RBFOX1: variants seen among roughly 807,000 people sequenced by gnomAD.
The protein encoded by RBFOX1 is RNA binding protein fox-1 homolog 1.
In RBFOX1, 8 loss-of-function variants were observed where a neutral mutation model predicts 57.7. The ratio of observed to expected loss-of-function variants is 0.14; its 90% CI spans 0.08 to 0.25. The LOEUF is 0.25. Among genes scored for constraint, RBFOX1 ranks in the 10% least tolerant of loss-of-function variants. The pLI is 1.00. For missense variants in RBFOX1, 611 were observed against 548.5 expected (o/e 1.11, Z -1.14); for synonymous variants, 326 against 222.4 (o/e 1.47, Z -4.15).
chr16:5,482,773 G>T (rs1392645494), intron 2 of RBFOX1, among the ~76,000 whole-genome samples: 1 of 152,120 alleles, frequency 6.6e-6, no homozygotes, highest in African/African-American at 2.4e-5. Context: ...GGACCATCTT[G>T]GTATTGCCTC....
chr16:7,165,399 ATAATAATAATGATAATAATCATTAT>A, intron 4 of RBFOX1, among the ~76,000 whole-genome samples: 1 of 147,212 alleles, frequency 6.8e-6, no homozygotes, highest in Non-Finnish European at 1.5e-5. Context: ...AATAATAATA[ATAATAATAATGATAATAATCATTAT>A]TATTATTATT....
chr16:6,888,667 A>G (rs2064712305), intron 3 of RBFOX1, among the ~76,000 whole-genome samples: 1 of 152,168 alleles, frequency 6.6e-6, no homozygotes, highest in Admixed American at 6.6e-5. Flanking sequence ...TCTGACCCAG[A>G]TGTCTCCTGT....
Position 7,004,162 on chromosome 16 carries a change from T to A in RBFOX1, c.-15-47895T>A, listed in dbSNP as rs1051842092. 2 of 152,076 alleles carry A rather than the reference T, an allele frequency of 1.3e-5. 1 individual carries two copies. The highest frequency in any genetic ancestry group is 4.2e-4 in the South Asian group (2 of 4,816). 9.4% of individuals were successfully genotyped at this position (152,076 alleles called of 1,614,324 possible). ...TAATAGAGCATCTTTTTAAATCTTA[T>A]GCACAGAAGAATGATGCATAGAAGA... On this transcript the variant is annotated intron_variant, in intron 3 of 15. Coordinates refer to ENST00000550418, the MANE Select transcript of RBFOX1 (RefSeq NM_018723.4).
intron 1 of RBFOX1, among the ~76,000 whole-genome samples, chr16:6,021,508 A>C (rs2095076363): frequency 6.6e-6 from 1 of 152,214 alleles, no homozygotes; most frequent in South Asian, 2.1e-4. Flanking sequence ...TGGTGCTGGC[A>C]GTGGCTGTGC....
At chr16:6,549,906 C>T (rs531784120) in intron 2 of RBFOX1, among the ~76,000 whole-genome samples, 58 of 152,236 alleles carry the variant, frequency 3.8e-4, no homozygotes, top group Middle Eastern at 6.8e-3. Context: ...TTGACTACTA[C>T]CCAGCTCAGT....
intron 1 of RBFOX1, among the ~76,000 whole-genome samples, chr16:5,246,534 G>A (rs2062304324): frequency 6.6e-6 from 1 of 152,154 alleles, no homozygotes; most frequent in Non-Finnish European, 1.5e-5. Flanking sequence ...TAGGTACCAT[G>A]TTGTCCCATG....
chr16:5,878,050 C>A (rs752888159), intron 4 of RBFOX1, among the ~76,000 whole-genome samples: 2 of 152,170 alleles, frequency 1.3e-5, no homozygotes, highest in African/African-American at 2.4e-5. Context: ...ACACAGACAC[C>A]ACATTCCATG....
At chr16:7,524,214 C>G (rs960430048) in intron 5 of RBFOX1, among the ~76,000 whole-genome samples, 4 of 152,150 alleles carry the variant, frequency 2.6e-5, no homozygotes, top group South Asian at 2.1e-4. Flanking sequence ...CCAAGAACAT[C>G]TAATATATGC....
At chr16:7,392,033 A>G (rs2098037169) in intron 4 of RBFOX1, among the ~76,000 whole-genome samples, 1 of 152,182 alleles carries the variant, frequency 6.6e-6, no homozygotes, top group Admixed American at 6.5e-5. Context: ...ATCTCATTTC[A>G]TGCTTTGCTC....
intron 14 of RBFOX1, among the ~76,000 whole-genome samples, chr16:7,694,437 G>T (rs1003075935): frequency 5.3e-5 from 8 of 152,194 alleles, no homozygotes. Flanking sequence ...AACTATCTCT[G>T]TTCTAAAAGG....
chr16:5,337,588 T>TTTAAAAATAAATATTG (rs2064929448), intron 1 of RBFOX1, among the ~76,000 whole-genome samples: 1 of 152,230 alleles, frequency 6.6e-6, no homozygotes, highest in Non-Finnish European at 1.5e-5. Flanking sequence ...CATAAATGTT[T>TTTAAAAATAAATATTG]TTAAAAATAA....
At chr16:5,645,221 C>T (rs2049010635) in intron 3 of RBFOX1, among the ~76,000 whole-genome samples, 1 of 151,592 alleles carries the variant, frequency 6.6e-6, no homozygotes, top group Non-Finnish European at 1.5e-5. Context: ...TGCACTCCAG[C>T]CTGGGCAGCA....
At chr16:6,330,886 A>G (rs1478198004) in intron 2 of RBFOX1, among the ~76,000 whole-genome samples, 1 of 152,140 alleles carries the variant, frequency 6.6e-6, no homozygotes, top group East Asian at 1.9e-4. Context: ...GAGAGGAGCA[A>G]GACTTCGGTG....
intron 2 of RBFOX1, among the ~76,000 whole-genome samples, chr16:6,391,678 A>G (rs1052563391): frequency 6.6e-6 from 1 of 152,176 alleles, no homozygotes; most frequent in Non-Finnish European, 1.5e-5. Context: ...AGTCATGGGA[A>G]GAAAGTTCTG....
chr16:5,512,723 A>G (rs2043647114), intron 2 of RBFOX1, among the ~76,000 whole-genome samples: 1 of 152,148 alleles, frequency 6.6e-6, no homozygotes, highest in Non-Finnish European at 1.5e-5. Context: ...TTAACATCTT[A>G]TACTCTTGTG....
chr16:6,341,780 C>T (rs926941882), intron 2 of RBFOX1, among the ~76,000 whole-genome samples: 1 of 152,030 alleles, frequency 6.6e-6, no homozygotes, highest in Non-Finnish European at 1.5e-5. Context: ...AATAAACTTG[C>T]TTTTGGTTTG....
intron 3 of RBFOX1, among the ~76,000 whole-genome samples, chr16:6,944,091 A>G (rs995041714): frequency 6.6e-6 from 1 of 152,094 alleles, no homozygotes; most frequent in East Asian, 1.9e-4. Context: ...GGCCCAGGCT[A>G]GACTCTACTT....
chr16:5,763,613 G>T (rs934614027), intron 3 of RBFOX1, among the ~76,000 whole-genome samples: 3 of 152,212 alleles, frequency 2.0e-5, no homozygotes, highest in Non-Finnish European at 4.4e-5. Context: ...AAGGCAATCC[G>T]CCGGCCTCCT....
intron 3 of RBFOX1, among the ~76,000 whole-genome samples, chr16:6,883,785 A>G (rs1305506760): frequency 1.3e-5 from 2 of 152,202 alleles, no homozygotes; most frequent in African/African-American, 4.8e-5. Context: ...TACATGGGTT[A>G]GTGAAGAGGT....
Sources: allele counts gnomAD v4.1 joint callset (sites outside exome capture counted in the v4.1 genomes callset), GRCh38; gene constraint gnomAD v4.1.1; transcripts MANE v1.5; gene names NCBI Gene and HGNC (gene_info 2026-07-23, HGNC 2026-07-21).